The following PRRC2B variants were observed in gnomAD, a reference collection of about 807,000 sequenced individuals.
The protein encoded by PRRC2B is proline rich coiled-coil 2B.
Under a neutral mutation model 242.3 loss-of-function variants are expected in PRRC2B, and 68 were observed. The ratio of observed to expected loss-of-function variants is 0.28; its 90% CI spans 0.23 to 0.34. The LOEUF is 0.34. PRRC2B is among the 10% of genes least tolerant of loss of function. The probability of loss-of-function intolerance (pLI) is 1.00; values close to 1 mark genes in which losing one functional copy is unlikely to be tolerated. For missense variants in PRRC2B, 2,835 were observed against 2,954.8 expected (o/e 0.96, Z 0.94); for synonymous variants, 1,228 against 1,173.6 (o/e 1.05, Z -0.95).
intron 29 of PRRC2B, 33 bp from the exon 30 acceptor site, chr9:131,492,136 A>G (rs1200767826): frequency 6.4e-7 from 1 of 1,566,004 alleles, no homozygotes; most frequent in South Asian, 1.1e-5. Flanking sequence ...CCAGGGCCTC[A>G]AATGACAGCT....
At chr9:131,438,932 T>A in intron 4 of PRRC2B, 57 bp from the exon 5 acceptor site, 1 of 1,376,734 alleles carries the variant, frequency 7.3e-7, no homozygotes, top group Non-Finnish European at 1.0e-6. Flanking sequence ...TAATAGGCTG[T>A]TATTGTACAG....
intron 19 of PRRC2B, among the ~76,000 whole-genome samples, chr9:131,481,343 T>C (rs2131460555): frequency 6.7e-6 from 1 of 148,554 alleles, no homozygotes; most frequent in Non-Finnish European, 1.5e-5. Context: ...GAAAGATATA[T>C]TTTTTAATGT....
chr9:131,455,982 G>A (rs1943062756), intron 10 of PRRC2B, among the ~76,000 whole-genome samples: 1 of 151,996 alleles, frequency 6.6e-6, no homozygotes, highest in African/African-American at 2.4e-5. Flanking sequence ...GTGTGGTGGC[G>A]TGTGCTTGTA....
chr9:131,435,090 G>T (rs1838303414), intron 3 of PRRC2B, among the ~76,000 whole-genome samples: 1 of 151,914 alleles, frequency 6.6e-6, no homozygotes, highest in Non-Finnish European at 1.5e-5. Flanking sequence ...CTGAGGTCAG[G>T]AGTTCAAGAC....
At chr9:131,454,203 A>G (rs932660928) in intron 9 of PRRC2B, among the ~76,000 whole-genome samples, 2 of 152,216 alleles carry the variant, frequency 1.3e-5, no homozygotes, top group Non-Finnish European at 2.9e-5. Flanking sequence ...GTTTGTATTC[A>G]TTCTTTTTCA....
At chr9:131,387,207 G>T (rs1836837445) in intron 1 of PRRC2B, among the ~76,000 whole-genome samples, 1 of 150,158 alleles carries the variant, frequency 6.7e-6, no homozygotes, top group Non-Finnish European at 1.5e-5. Flanking sequence ...CTCCATGTTG[G>T]TCAGGCTGGT....
chr9:131,476,164 G>C lies in PRRC2B; in HGVS notation c.4035G>C (p.Leu1345=). 6.2e-7 allele frequency: 1 copy of C among 1,613,338 alleles called. No homozygotes were observed. The highest frequency in any genetic ancestry group is 8.5e-7 in the Non-Finnish European group (1 of 1,179,816). The change falls in exon 16 of 32, where the codon CTG becomes CTC. Residue 1345 remains leucine (L), a synonymous_variant. Transcript: ENST00000683519. ...GTCAGTGGCCAGGCAGGCCCAAACT[G>C]TGTTCTGGGGACAAGAGTGGCACTG... The part of the protein sequence containing the change: ...LAGQWPGRPK[L]CSGDKSGTVG...
Position 131,476,182 on chromosome 9 carries a change from T to C in PRRC2B, c.4053T>C (p.Ser1351=). The stretch of plus-strand genomic sequence containing the variant: ...CCAAACTGTGTTCTGGGGACAAGAG[T>C]GGCACTGTGGGCCGCAGGTCCCCTG... ...GRPKLCSGDK[S]GTVGRRSPEL... The change falls in exon 16 of 32, where the codon AGT becomes AGC. Residue 1351 remains serine, a synonymous_variant. Coordinates refer to ENST00000683519, the MANE Select transcript of PRRC2B (RefSeq NM_013318.4). The C allele has an allele frequency of 4.3e-6, 7 of 1,613,318 alleles. No individual in the cohort carries two copies. The highest frequency in any genetic ancestry group is 5.1e-6 in the Non-Finnish European group (6 of 1,179,840).
At chr9:131,453,957 A>G (rs1942998271) in intron 9 of PRRC2B, among the ~76,000 whole-genome samples, 1 of 152,218 alleles carries the variant, frequency 6.6e-6, no homozygotes, top group South Asian at 2.1e-4. Context: ...AGGTTGTACA[A>G]CTACCACCAC....
intron 30 of PRRC2B, among the ~76,000 whole-genome samples, chr9:131,493,869 C>T (rs947936592): frequency 2.0e-5 from 3 of 150,060 alleles, no homozygotes; most frequent in East Asian, 1.9e-4. Context: ...TGACCGCAGA[C>T]TTTTTTTTTT....
At chr9:131,473,828 G>A (rs970255428) in intron 15 of PRRC2B, 104 bp downstream of exon 15, 7 of 809,328 alleles carry the variant, frequency 8.6e-6, no homozygotes, top group African/African-American at 5.2e-5. Flanking sequence ...CACTGCCCAC[G>A]GGAGACGTGC....
intron 9 of PRRC2B, among the ~76,000 whole-genome samples, chr9:131,451,495 A>G (rs1770317629): frequency 6.6e-6 from 1 of 152,156 alleles, no homozygotes; most frequent in African/African-American, 2.4e-5. Context: ...TTGATTTCTT[A>G]GAGTTTTCTA....
chr9:131,430,090 G>A lies in PRRC2B; in HGVS notation c.-51-4G>A. 1.2e-6 allele frequency: 1 copy of A among 847,002 alleles called. No individual in the cohort carries two copies. The highest frequency in any genetic ancestry group is 1.9e-6 in the Non-Finnish European group (1 of 527,996). 52.5% of individuals were successfully genotyped at this position (847,002 alleles called of 1,614,324 possible). ...TTTTTTTTTCTTCTCTATTTCAAAG[G>A]CAGATCGGGAGCGGTGCCGAGAAAA... On this transcript the variant is annotated splice_region_variant and splice_polypyrimidine_tract_variant and intron_variant, in intron 1 of 31. Transcript: ENST00000683519.
chr9:131,420,996 C>T (rs1386290143), intron 1 of PRRC2B, among the ~76,000 whole-genome samples: 3 of 152,232 alleles, frequency 2.0e-5, no homozygotes, highest in Non-Finnish European at 2.9e-5. Flanking sequence ...CAAACTGCAA[C>T]CCCGATTGCA....
intron 5 of PRRC2B, among the ~76,000 whole-genome samples, chr9:131,443,526 C>T (rs1242671278): frequency 2.7e-5 from 4 of 150,646 alleles, no homozygotes; most frequent in Admixed American, 1.3e-4. Flanking sequence ...CTCCACCTCC[C>T]GGGCTCAAGT....
intron 10 of PRRC2B, among the ~76,000 whole-genome samples, chr9:131,457,402 A>G (rs574475588): frequency 6.6e-6 from 1 of 152,314 alleles, no homozygotes; most frequent in Admixed American, 6.5e-5. Context: ...GGAACTGGAC[A>G]TTGGTTTTGG....
intron 14 of PRRC2B, among the ~76,000 whole-genome samples, chr9:131,471,194 G>A (rs1022126789): frequency 6.6e-6 from 1 of 152,194 alleles, no homozygotes; most frequent in Non-Finnish European, 1.5e-5. Flanking sequence ...CATGAAGATC[G>A]TGTATCATAA....
rs777681410 is a variant in PRRC2B, at chr9:131,484,811, G to C, written c.5565+21G>C. 9 of 1,591,798 alleles carry C rather than the reference G, an allele frequency of 5.7e-6. No homozygotes were observed. In the Admixed American group the frequency reaches 1.4e-4, roughly 25 times the overall value. On this transcript the variant is annotated intron_variant, in intron 24 of 31. Transcript: ENST00000683519. Reference sequence around the variant, plus strand: ...TGAAGGTAACACCAGCCCTGAGCTGGGTGAGGGCCCACCCAGTACCTTAGC... The same window carrying C: ...TGAAGGTAACACCAGCCCTGAGCTGCGTGAGGGCCCACCCAGTACCTTAGC...
chr9:131,436,548 C>G, intron 3 of PRRC2B, 72 bp from the exon 4 acceptor site: 1 of 1,196,550 alleles, frequency 8.4e-7, no homozygotes, highest in Non-Finnish European at 1.2e-6. Flanking sequence ...ACAGCTGTGG[C>G]TCCTGAGAAC....
Sources: allele counts gnomAD v4.1 joint callset (sites outside exome capture counted in the v4.1 genomes callset), GRCh38; gene constraint gnomAD v4.1.1; transcripts MANE v1.5; gene names NCBI Gene and HGNC (gene_info 2026-07-23, HGNC 2026-07-21).